DNAJC1: variants seen among roughly 807,000 people sequenced by gnomAD.
DNAJC1 encodes the protein DnaJ heat shock protein family (Hsp40) member C1.
A neutral mutation model predicts 76.6 loss-of-function variants in DNAJC1; 58 were observed. The observed-to-expected ratio is 0.76, with a 90% CI of 0.61 to 0.94. DNAJC1 has a LOEUF of 0.94. Ranked by LOEUF, DNAJC1 falls within the 40% of genes least tolerant of loss-of-function variation. DNAJC1 has a pLI of 0.00. For synonymous variants in DNAJC1, 258 were observed against 267.9 expected, an observed-to-expected ratio of 0.96 and a Z score of 0.36; for missense variants, 689 against 677.3, an observed-to-expected ratio of 1.02 and a Z score of -0.19.
intron 6 of DNAJC1, among the ~76,000 whole-genome samples, chr10:21,905,219 T>A (rs989552966): frequency 6.6e-6 from 1 of 150,772 alleles, no homozygotes; most frequent in African/African-American, 2.4e-5. Flanking sequence ...GACTGAAGTC[T>A]CAATGAGTGG....
In DNAJC1 at chr10:21,882,351, A is replaced by G. The variant is rs746443670; in HGVS notation, c.909T>C (p.Thr303=). 1.2e-5 allele frequency: 20 copies of G among 1,602,748 alleles called. No individual in the cohort carries two copies. Among genetic ancestry groups the G allele is most frequent in the Non-Finnish European group, 1.7e-5 (20 of 1,176,250 alleles). The change falls in exon 8 of 12, where the codon ACT becomes ACC. Residue 303 remains threonine (T), a synonymous_variant. Transcript: ENST00000376980. The stretch of plus-strand genomic sequence containing the variant: ...TTTGTTCCTCAATTTCTTCTATGGA[A>G]GTTCCATGATCATAAGACTGAATAT... ...TTYIQSYDHG[T]SIEEIEEQMD...
At chr10:21,986,496 T>C (rs1666111331) in intron 1 of DNAJC1, among the ~76,000 whole-genome samples, 1 of 152,222 alleles carries the variant, frequency 6.6e-6, no homozygotes, top group African/African-American at 2.4e-5. Flanking sequence ...ATTCTCTTTA[T>C]TAGGTTGAGG....
intron 1 of DNAJC1, among the ~76,000 whole-genome samples, chr10:21,952,270 A>G (rs1463840846): frequency 6.6e-6 from 1 of 152,202 alleles, no homozygotes; most frequent in Non-Finnish European, 1.5e-5. Context: ...TTTTCAACAT[A>G]AAACAATTAT....
chr10:21,874,820 A>G (rs2131713245), intron 8 of DNAJC1, among the ~76,000 whole-genome samples: 1 of 152,288 alleles, frequency 6.6e-6, no homozygotes, highest in South Asian at 2.1e-4. Context: ...ATGTTATAAA[A>G]AGCCTATAGC....
At chr10:21,803,973 C>T (rs944743647) in intron 9 of DNAJC1, 2 of 984,576 alleles carry the variant, frequency 2.0e-6, no homozygotes, top group South Asian at 9.4e-5. Context: ...AATCATTCTG[C>T]CTTGGGTAAG....
intron 8 of DNAJC1, among the ~76,000 whole-genome samples, chr10:21,877,197 C>G (rs1836200623): frequency 6.6e-6 from 1 of 151,922 alleles, no homozygotes; most frequent in South Asian, 2.1e-4. Flanking sequence ...TCACTTGAGC[C>G]TGGGAAATTG....
chr10:21,995,870 G>A (rs1838408981), intron 1 of DNAJC1, among the ~76,000 whole-genome samples: 1 of 152,052 alleles, frequency 6.6e-6, no homozygotes, highest in African/African-American at 2.4e-5. Flanking sequence ...ATAAATTCTA[G>A]ATTAAATTTC....
At chr10:21,865,136 C>T (rs1159821620) in intron 8 of DNAJC1, among the ~76,000 whole-genome samples, 1 of 152,104 alleles carries the variant, frequency 6.6e-6, no homozygotes, top group African/African-American at 2.4e-5. Context: ...AAATCAACAG[C>T]TACTCTAGAA....
chr10:21,985,277 T>A lies in DNAJC1; in HGVS notation c.222+17936A>T, dbSNP rs1590080171. 4.9e-5 allele frequency among the ~76,000 whole-genome samples: 7 copies of A among 142,818 alleles called. 1 individual carries two copies. The highest frequency in any genetic ancestry group is 1.8e-4 in the African/African-American group (7 of 37,860). 93.7% of individuals were successfully genotyped at this position (142,818 alleles called of 152,430 possible). The stretch of plus-strand genomic sequence containing the variant: ...TTTTTTTTTTTTTTTTGAAATGGAG[T>A]CTCACTCTGTTGCCCAGGCTGGAGT... On this transcript the variant is annotated intron_variant, in intron 1 of 11. Transcript: ENST00000376980.
chr10:21,905,009 C>T (rs1042250934), intron 6 of DNAJC1, among the ~76,000 whole-genome samples: 6 of 151,916 alleles, frequency 3.9e-5, no homozygotes, highest in Non-Finnish European at 7.4e-5. Flanking sequence ...TTCATATTAG[C>T]CCTTTAACTA....
chr10:21,999,252 C>T (rs1450482109), intron 1 of DNAJC1, among the ~76,000 whole-genome samples: 4 of 152,272 alleles, frequency 2.6e-5, no homozygotes, highest in Admixed American at 6.5e-5. Flanking sequence ...AGCCTGTGAC[C>T]GCCATACGGT....
At chr10:21,766,184 A>T in intron 10 of DNAJC1, 77 bp downstream of exon 10, 1 of 1,102,792 alleles carries the variant, frequency 9.1e-7, no homozygotes, top group Non-Finnish European at 1.4e-6. Context: ...CCTTGTATTT[A>T]AAGAAGTTAT....
chr10:21,843,652 A>G (rs1835608187), intron 8 of DNAJC1, among the ~76,000 whole-genome samples: 1 of 152,038 alleles, frequency 6.6e-6, no homozygotes, highest in African/African-American at 2.4e-5. Context: ...TCAGCCTCCC[A>G]AAGTGCTGGG....
At chr10:21,904,442 C>G in intron 7 of DNAJC1, 80 bp downstream of exon 7, 1 of 882,762 alleles carries the variant, frequency 1.1e-6, no homozygotes, top group Non-Finnish European at 1.6e-6. Flanking sequence ...AATTTAATTA[C>G]TGCTGAATTT....
rs1473952551 is a variant in DNAJC1, at chr10:22,003,366, C to T, written c.69G>A (p.Pro23=). The T allele has an allele frequency of 7.1e-7, 1 of 1,408,206 alleles. No homozygotes were observed. The highest frequency in any genetic ancestry group is 9.2e-7 in the Non-Finnish European group (1 of 1,085,026). 87.2% of individuals were successfully genotyped at this position (1,408,206 alleles called of 1,614,324 possible). ...GRRQLGLVPF[P]PPPPRTPLLW... The stretch of plus-strand genomic sequence containing the variant: ...GCAGCGGCGTCCGCGGCGGCGGCGG[C>T]GGGAACGGCACCAGCCCGAGCTGGC... Residue 23 remains proline (P), a synonymous_variant, in exon 1 of 12, where the codon CCG becomes CCA. Coordinates refer to ENST00000376980, the MANE Select transcript of DNAJC1 (RefSeq NM_022365.4).
rs550322229 is a variant in DNAJC1 at position 21,873,719 on chromosome 10, CTA to C, written c.978+8561_978+8562del. On this transcript the variant is annotated intron_variant, in intron 8 of 11. Transcript: ENST00000376980. The stretch of plus-strand genomic sequence containing the variant: ...TAAACATAGGTAAGTGGAAAAGACA[CTA>C]TAAAGGCATTTTTGGCTTGTAATTC... Among the ~76,000 whole-genome samples the C allele has an allele frequency of 7.4e-3, 1,133 of 152,210 alleles. 10 individuals are homozygous for C. Among genetic ancestry groups the C allele is most frequent in the Middle Eastern group, 0.017 (5 of 294 alleles).
chr10:21,757,318 C>G (rs1834188598), intron 11 of DNAJC1, among the ~76,000 whole-genome samples: 1 of 152,202 alleles, frequency 6.6e-6, no homozygotes, highest in African/African-American at 2.4e-5. Flanking sequence ...CCACAGCTGT[C>G]ACACCCTGGG....
chr10:21,903,795 G>A (rs547978053), intron 7 of DNAJC1, among the ~76,000 whole-genome samples: 1 of 152,182 alleles, frequency 6.6e-6, no homozygotes, highest in East Asian at 1.9e-4. Context: ...CCCTCATGGA[G>A]CTTACATTCT....
In DNAJC1 at chr10:21,919,868, T is replaced by C; in HGVS notation, c.599A>G (p.Asp200Gly). ...TTCTGAAGCACCGAGTTTTGATACA[T>C]CCACACTCTTGCTGCCAGTCTTTTT... ...KKKKTGSKSV[D>G]VSKLGASEKN... Residue 200 changes from aspartate (D) to glycine (G), a missense_variant, in exon 5 of 12, where the codon GAT (aspartate) becomes GGT (glycine). Coordinates refer to ENST00000376980, the MANE Select transcript of DNAJC1 (RefSeq NM_022365.4). 4 of 1,609,672 alleles carry C rather than the reference T, an allele frequency of 2.5e-6. No individual in the cohort carries two copies. The highest frequency in any genetic ancestry group is 3.4e-6 in the Non-Finnish European group (4 of 1,178,784).
Sources: allele counts gnomAD v4.1 joint callset (sites outside exome capture counted in the v4.1 genomes callset), GRCh38; gene constraint gnomAD v4.1.1; transcripts MANE v1.5; gene names NCBI Gene and HGNC (gene_info 2026-07-23, HGNC 2026-07-21).